Variants in NRXN3 observed in about 807,000 individuals in gnomAD.
NRXN3 encodes the protein neurexin III.
NRXN3 carries 32 observed loss-of-function variants against 137.6 expected under a neutral mutation model. The observed-to-expected ratio is 0.23, with a 90% confidence interval of 0.18 to 0.31. The LOEUF is 0.31. Ranked by LOEUF, NRXN3 falls within the 10% of genes least tolerant of loss-of-function variation. NRXN3 has a pLI of 1.00. For missense variants in NRXN3, 1,574 were observed against 2,062.5 expected, an observed-to-expected ratio of 0.76 and a Z score of 4.59; for synonymous variants, 798 against 784.5, an observed-to-expected ratio of 1.02 and a Z score of -0.29.
chr14:79,412,547 G>A (rs932005454), intron 15 of NRXN3, among the ~76,000 whole-genome samples: 2 of 151,890 alleles, frequency 1.3e-5, no homozygotes, highest in African/African-American at 2.4e-5. Context: ...GGGAGGCTGA[G>A]GTGGGTGGAT....
chr14:79,063,710 G>A (rs1375053912), intron 15 of NRXN3, among the ~76,000 whole-genome samples: 5 of 152,146 alleles, frequency 3.3e-5, no homozygotes, highest in Non-Finnish European at 5.9e-5. Flanking sequence ...TACAAGCCGA[G>A]GAAAGAGAAA....
chr14:79,251,016 CTGGTAG>C (rs1213435905), intron 15 of NRXN3, among the ~76,000 whole-genome samples: 2 of 152,056 alleles, frequency 1.3e-5, no homozygotes, highest in African/African-American at 4.8e-5. Flanking sequence ...TGTTAAAGGT[CTGGTAG>C]TGAGTATGAG....
At chr14:78,406,431 G>A (rs549361904) in intron 4 of NRXN3, among the ~76,000 whole-genome samples, 2 of 152,302 alleles carry the variant, frequency 1.3e-5, no homozygotes, top group South Asian at 2.1e-4. Context: ...AGCCACAACT[G>A]TGGCTGGGGG....
intron 19 of NRXN3, among the ~76,000 whole-genome samples, chr14:79,746,891 C>T (rs1228178904): frequency 6.6e-6 from 1 of 152,018 alleles, no homozygotes; most frequent in Non-Finnish European, 1.5e-5. Flanking sequence ...TCTTAAAGAA[C>T]TCCTAAAACT....
intron 19 of NRXN3, among the ~76,000 whole-genome samples, chr14:79,778,399 G>A (rs541961050): frequency 6.6e-6 from 1 of 152,252 alleles, no homozygotes; most frequent in East Asian, 1.9e-4. Flanking sequence ...CTGGGCAATA[G>A]AGTGAGACTC....
intron 15 of NRXN3, among the ~76,000 whole-genome samples, chr14:79,333,852 C>T (rs182577055): frequency 2.0e-4 from 31 of 152,004 alleles, no homozygotes; most frequent in African/African-American, 7.0e-4. Flanking sequence ...GAAATGATGA[C>T]GAGAAAATTT....
In NRXN3 at chr14:79,419,740, C is replaced by T. The variant is rs117549514; in HGVS notation, c.3263-47481C>T. On this transcript the variant is annotated intron_variant, in intron 15 of 20. Coordinates refer to ENST00000335750, the MANE Select transcript of NRXN3 (RefSeq NM_001330195.2). ...CCACTATGAGTCCTTGGACAAGTTA[C>T]CTCATTGACAAAATGAGGATGGAAG... is the stretch of plus-strand genomic sequence containing the variant. 6.1e-3 allele frequency among the ~76,000 whole-genome samples: 922 copies of T among 152,226 alleles called. 68 individuals are homozygous for T. The East Asian group carries it at 0.16, about 26-fold the overall frequency.
intron 16 of NRXN3, among the ~76,000 whole-genome samples, chr14:79,627,696 A>G (rs543144098): frequency 6.6e-6 from 1 of 152,302 alleles, no homozygotes; most frequent in African/African-American, 2.4e-5. Context: ...GACACTGGGT[A>G]TGGTTATTAA....
At chr14:78,442,882 C>A (rs1207339592) in intron 4 of NRXN3, among the ~76,000 whole-genome samples, 1 of 152,006 alleles carries the variant, frequency 6.6e-6, no homozygotes, top group Non-Finnish European at 1.5e-5. Flanking sequence ...ATTTGTATAG[C>A]CTTTACAACT....
intron 4 of NRXN3, among the ~76,000 whole-genome samples, chr14:78,389,705 T>A (rs1360443827): frequency 1.3e-5 from 2 of 152,184 alleles, no homozygotes; most frequent in Non-Finnish European, 2.9e-5. Flanking sequence ...GCCTCAATTT[T>A]GTTTATGATG....
intron 7 of NRXN3, among the ~76,000 whole-genome samples, chr14:78,713,489 A>G (rs1386862773): frequency 6.6e-6 from 1 of 152,228 alleles, no homozygotes; most frequent in Non-Finnish European, 1.5e-5. Context: ...AGAATGCATG[A>G]GTAACTAGCA....
intron 10 of NRXN3, among the ~76,000 whole-genome samples, chr14:78,883,346 T>A (rs2152664197): frequency 6.6e-6 from 1 of 152,288 alleles, no homozygotes; most frequent in South Asian, 2.1e-4. Flanking sequence ...GAGACTAAGT[T>A]AATTGAGATA....
intron 15 of NRXN3, among the ~76,000 whole-genome samples, chr14:79,133,387 G>A (rs551772265): frequency 2.0e-4 from 30 of 152,112 alleles, no homozygotes; most frequent in African/African-American, 4.6e-4. Flanking sequence ...GAGCCCAGCC[G>A]TAATTGGAGA....
chr14:79,707,703 G>A (rs1372982321), intron 19 of NRXN3, among the ~76,000 whole-genome samples: 2 of 152,088 alleles, frequency 1.3e-5, no homozygotes, highest in Non-Finnish European at 2.9e-5. Flanking sequence ...CTCTGATATG[G>A]CAATTAGCTT....
At chr14:79,830,344 G>A (rs917914393) in intron 20 of NRXN3, among the ~76,000 whole-genome samples, 5 of 152,186 alleles carry the variant, frequency 3.3e-5, no homozygotes, top group Non-Finnish European at 7.4e-5. Context: ...GGTTTGAGAA[G>A]TGGACTTGAC....
intron 19 of NRXN3, among the ~76,000 whole-genome samples, chr14:79,767,218 C>A (rs1340183026): frequency 1.3e-5 from 2 of 152,204 alleles, no homozygotes; most frequent in Non-Finnish European, 2.9e-5. Context: ...TCCTCCCAGC[C>A]CTACTGGGGC....
chr14:79,578,691 A>T (rs1316470574), intron 16 of NRXN3, among the ~76,000 whole-genome samples: 4 of 152,186 alleles, frequency 2.6e-5, no homozygotes, highest in Non-Finnish European at 5.9e-5. Context: ...ACCACATTTT[A>T]GTTCTTCCAC....
intron 1 of NRXN3, among the ~76,000 whole-genome samples, chr14:78,241,150 T>C (rs2067028496): frequency 6.6e-6 from 1 of 152,236 alleles, no homozygotes. Context: ...TCTTAACTAT[T>C]CAGTTGTCAT....
intron 16 of NRXN3, among the ~76,000 whole-genome samples, chr14:79,525,631 A>T (rs2097111700): frequency 6.6e-6 from 1 of 152,198 alleles, no homozygotes; most frequent in African/African-American, 2.4e-5. Flanking sequence ...GTCAGCTTGT[A>T]AGTGTTCTGT....
Sources: gnomAD v4.1 joint callset for allele counts (sites outside exome capture counted in the v4.1 genomes callset) on GRCh38, gnomAD v4.1.1 for gene constraint, MANE v1.5 for transcripts, NCBI Gene and HGNC (gene_info 2026-07-23, HGNC 2026-07-21) for gene names.